Variants in FBXO38 observed in about 807,000 individuals in gnomAD.
FBXO38 encodes F-box only protein 38.
Under a neutral mutation model 131.9 loss-of-function variants are expected in FBXO38, and 53 were observed. That is an observed-to-expected ratio of 0.40 (90% confidence interval 0.32 to 0.51). The LOEUF (loss-of-function observed/expected upper bound fraction) is 0.51. Among genes scored for constraint, FBXO38 ranks in the 20% least tolerant of loss-of-function variants. The probability of loss-of-function intolerance (pLI) is 0.53; values close to 1 mark genes in which losing one functional copy is unlikely to be tolerated. For missense variants in FBXO38, 1,076 were observed against 1,475.6 expected, an observed-to-expected ratio of 0.73 and a Z score of 4.44; for synonymous variants, 452 against 505.6, an observed-to-expected ratio of 0.89 and a Z score of 1.42.
At position 148,424,128 on chromosome 5, in the gene FBXO38, G is replaced by T; in HGVS notation, c.1738+11G>T. On this transcript the variant is annotated intron_variant, in intron 13 of 21. Transcript: ENST00000340253. ...ATGAGGAACAAGCAGGTAATCATGT[G>T]ATCCATCCCACATTCATCATTCTGA... is the stretch of plus-strand genomic sequence containing the variant. 6.2e-7 allele frequency: 1 copy of T among 1,608,256 alleles called. No individual in the cohort carries two copies. Among genetic ancestry groups the T allele is most frequent in the South Asian group, 1.1e-5 (1 of 90,186 alleles).
At chr5:148,429,351 A>G (rs1185450815) in intron 15 of FBXO38, among the ~76,000 whole-genome samples, 1 of 151,068 alleles carries the variant, frequency 6.6e-6, no homozygotes, top group African/African-American at 2.4e-5. Context: ...TTTTTATTCC[A>G]AACTATCACC....
chr5:148,410,459 G>A (rs1752684842), intron 8 of FBXO38, 176 bp from the exon 9 acceptor site: 4 of 698,264 alleles, frequency 5.7e-6, no homozygotes, highest in African/African-American at 3.7e-5. Context: ...AGCCATGTTC[G>A]TGAGGCCTCC....
chr5:148,411,231 A>G (rs142847309), intron 9 of FBXO38, among the ~76,000 whole-genome samples: 2 of 152,300 alleles, frequency 1.3e-5, no homozygotes, highest in East Asian at 3.9e-4. Context: ...TAGTGTGAGC[A>G]CATAATGGTC....
chr5:148,388,207 A>G (rs1414638944), intron 1 of FBXO38, among the ~76,000 whole-genome samples: 2 of 152,212 alleles, frequency 1.3e-5, no homozygotes, highest in African/African-American at 4.8e-5. Context: ...TAGAAGTCTT[A>G]TTTAGTATAC....
chr5:148,415,779 T>C (rs1366759286), intron 10 of FBXO38, 149 bp from the exon 11 acceptor site: 1 of 743,890 alleles, frequency 1.3e-6, no homozygotes. Flanking sequence ...CATCATAATT[T>C]AGAATCATCG....
rs549286439 is a variant in FBXO38, at chr5:148,427,919, G to A, written c.2625G>A (p.Leu875=). 3.3e-6 allele frequency: 5 copies of A among 1,529,006 alleles called. No homozygotes were observed. The South Asian group carries it at 6.6e-5, about 20-fold the overall frequency. The allele number at this position is 1,529,006 out of a possible 1,614,324, so 94.7% of individuals were successfully genotyped here. A position where few individuals can be genotyped will look rare whatever the true frequency, so the allele number is the denominator to read the frequency against. Residue 875 remains leucine (L), a synonymous_variant, in exon 15 of 22, where the codon CTG becomes CTA. Transcript: ENST00000340253. Reference sequence around the variant, plus strand: ...CCCTAACCAGGGCCAGGAGCAGACTGTCCCATGTACTGCTGGTATCTGAGT... The same window carrying A: ...CCCTAACCAGGGCCAGGAGCAGACTATCCCATGTACTGCTGGTATCTGAGT... ...RRPLTRARSR[L]SHVLLVSESE...
chr5:148,414,435 C>G, intron 10 of FBXO38, 129 bp downstream of exon 10: 1 of 882,800 alleles, frequency 1.1e-6, no homozygotes, highest in Non-Finnish European at 1.7e-6. Context: ...ATTGTTCATA[C>G]AAGTTCTGGT....
intron 1 of FBXO38, among the ~76,000 whole-genome samples, chr5:148,391,117 T>C (rs910359352): frequency 1.7e-4 from 26 of 152,198 alleles, no homozygotes; most frequent in African/African-American, 6.0e-4. Flanking sequence ...GGTGTGTCAC[T>C]GCAGTAAAAT....
At chr5:148,406,471 C>T in intron 7 of FBXO38, 77 bp downstream of exon 7, 1 of 1,212,054 alleles carries the variant, frequency 8.3e-7, no homozygotes, top group Non-Finnish European at 1.1e-6. Context: ...TTTAACTTCC[C>T]TGGCAAGTCT....
intron 12 of FBXO38, among the ~76,000 whole-genome samples, chr5:148,420,724 A>G (rs1449599679): frequency 1.3e-5 from 2 of 152,162 alleles, no homozygotes; most frequent in Admixed American, 1.3e-4. Context: ...TGGTTTTCAG[A>G]CTTGAGTGTG....
intron 7 of FBXO38, among the ~76,000 whole-genome samples, chr5:148,406,755 A>G (rs1752466012): frequency 6.6e-6 from 1 of 152,004 alleles, no homozygotes; most frequent in South Asian, 2.1e-4. Flanking sequence ...GAGGCTTCCA[A>G]AAAAAATTTA....
At chr5:148,414,046 T>C in intron 9 of FBXO38, 90 bp from the exon 10 acceptor site, 2 of 1,285,636 alleles carry the variant, frequency 1.6e-6, no homozygotes, top group Non-Finnish European at 2.1e-6. Flanking sequence ...TAGAGACTTT[T>C]TATACTGACT....
chr5:148,436,005 TAAAAC>T (rs1276675627), intron 17 of FBXO38, among the ~76,000 whole-genome samples: 1 of 152,130 alleles, frequency 6.6e-6, no homozygotes, highest in Non-Finnish European at 1.5e-5. Flanking sequence ...ACCCCACAAT[TAAAAC>T]AGTAACATCA....
chr5:148,437,625 G>C (rs1191923279), intron 17 of FBXO38, among the ~76,000 whole-genome samples: 1 of 152,056 alleles, frequency 6.6e-6, no homozygotes, highest in East Asian at 1.9e-4. Flanking sequence ...ATTGGACCAG[G>C]TTGAAATTGG....
intron 9 of FBXO38, chr5:148,413,655 A>T (rs979489608): frequency 2.6e-5 from 4 of 152,458 alleles, no homozygotes; most frequent in African/African-American, 7.2e-5. Context: ...GTATAGATAG[A>T]TGTTACTAAC....
chr5:148,413,388 C>T (rs538474872), intron 9 of FBXO38: 4 of 151,630 alleles, frequency 2.6e-5, no homozygotes, highest in African/African-American at 7.3e-5. Context: ...CTGTGAGAGA[C>T]GTATTCCCAT....
At chr5:148,424,141 T>A in intron 13 of FBXO38, 24 bp downstream of exon 13, 1 of 1,597,754 alleles carries the variant, frequency 6.3e-7, no homozygotes, top group African/African-American at 1.3e-5. Flanking sequence ...CCATCCCACA[T>A]TCATCATTCT....
At position 148,400,238 on chromosome 5, in the gene FBXO38, A is replaced by T. The variant is rs545947966; in HGVS notation, c.262+1106A>T. On this transcript the variant is annotated intron_variant, in intron 3 of 21. Coordinates refer to ENST00000340253, the MANE Select transcript of FBXO38 (RefSeq NM_205836.3). The stretch of plus-strand genomic sequence containing the variant: ...ATTCTAAGGGCAAAAGCCTCATCTC[A>T]TCTTGTTTCAGAATGATCCTGTATG... Among the ~76,000 whole-genome samples, 13 of 152,238 alleles carry T rather than the reference A, an allele frequency of 8.5e-5. No individual in the cohort carries two copies. The East Asian group carries it at 2.3e-3, about 27-fold the overall frequency.
At chr5:148,417,693 A>G (rs1753142319) in intron 12 of FBXO38, among the ~76,000 whole-genome samples, 1 of 152,170 alleles carries the variant, frequency 6.6e-6, no homozygotes, top group African/African-American at 2.4e-5. Flanking sequence ...AGAAGGACCT[A>G]TTCTATTTCA....
Sources: gnomAD v4.1 joint callset for allele counts (sites outside exome capture counted in the v4.1 genomes callset) on GRCh38, gnomAD v4.1.1 for gene constraint, MANE v1.5 for transcripts, NCBI Gene and HGNC (gene_info 2026-07-23, HGNC 2026-07-21) for gene names.